Variants in KIF1B observed in about 807,000 individuals in gnomAD.
KIF1B encodes kinesin family member 1B, also known as kinesin-like protein KIF1B.
A neutral mutation model predicts 241.9 loss-of-function variants in KIF1B; 76 were observed. The ratio of observed to expected loss-of-function variants is 0.31; its 90% CI spans 0.26 to 0.38. The LOEUF (loss-of-function observed/expected upper bound fraction) is 0.38, where lower values mean the gene tolerates loss of function less well. Among genes scored for constraint, KIF1B ranks in the 10% least tolerant of loss-of-function variants. The pLI, the probability that KIF1B is intolerant of heterozygous loss-of-function variation, is 1.00. For missense variants in KIF1B, 1,622 were observed against 2,271.4 expected (o/e 0.71, Z 5.81); for synonymous variants, 750 against 796.7 (o/e 0.94, Z 0.99).
In KIF1B at chr1:10,223,182, G is replaced by A. The variant is rs1646867149; in HGVS notation, c.-79-9068G>A. Among the ~76,000 whole-genome samples, 4 of 152,248 alleles carry A rather than the reference G, an allele frequency of 2.6e-5. No individual in the cohort carries two copies. In the South Asian group the frequency reaches 8.3e-4, roughly 32 times the overall value. ...CAGGAGAATCGCTTGAACCTGGGAG[G>A]CAGAGGTTGCAGTAAACCGAGATGG... On this transcript the variant is annotated intron_variant, in intron 1 of 48. Transcript: ENST00000676179.
At chr1:10,277,354 T>G (rs1314946450) in intron 12 of KIF1B, among the ~76,000 whole-genome samples, 1 of 152,066 alleles carries the variant, frequency 6.6e-6, no homozygotes, top group Non-Finnish European at 1.5e-5. Flanking sequence ...TTAGTTTTTG[T>G]TTTTGAGTCT....
At chr1:10,227,064 T>G in intron 1 of KIF1B, among the ~76,000 whole-genome samples, 1 of 138,546 alleles carries the variant, frequency 7.2e-6, no homozygotes, top group African/African-American at 2.8e-5. Flanking sequence ...TGAGATGAAG[T>G]CTCGCTCTCT....
At chr1:10,274,284 C>A (rs1029420252) in intron 10 of KIF1B, among the ~76,000 whole-genome samples, 4 of 152,086 alleles carry the variant, frequency 2.6e-5, no homozygotes, top group Non-Finnish European at 5.9e-5. Context: ...AGTCAGCCAG[C>A]ATATATTTGA....
rs567613399 is a variant in KIF1B at position 10,327,604 on chromosome 1, G to T, written c.2924+1245G>T. On this transcript the variant is annotated intron_variant, in intron 27 of 48. Coordinates refer to ENST00000676179, the MANE Select transcript of KIF1B (RefSeq NM_001365951.3). ...AGGCATTGTCTCTGGCTCTCAGTTT[G>T]TGCATCCATCTTTCAGTGATGCAGA... Among the ~76,000 whole-genome samples the T allele has an allele frequency of 3.3e-5, 5 of 151,966 alleles. No homozygotes were observed. In the East Asian group the frequency reaches 9.7e-4, roughly 29 times the overall value.
intron 1 of KIF1B, among the ~76,000 whole-genome samples, chr1:10,213,263 A>G (rs1646721435): frequency 6.6e-6 from 1 of 152,170 alleles, no homozygotes; most frequent in Admixed American, 6.6e-5. Context: ...GCTAGGTTTT[A>G]TGAGTATGTG....
intron 1 of KIF1B, among the ~76,000 whole-genome samples, chr1:10,220,574 G>A (rs1646832094): frequency 6.6e-6 from 1 of 152,106 alleles, no homozygotes; most frequent in African/African-American, 2.4e-5. Context: ...TGAGGCTGAG[G>A]TACAGCCAAG....
chr1:10,249,389 A>G (rs1647317489), intron 2 of KIF1B, among the ~76,000 whole-genome samples: 1 of 151,968 alleles, frequency 6.6e-6, no homozygotes. Context: ...TTGCACAGCT[A>G]TACACTGTTT....
intron 43 of KIF1B, among the ~76,000 whole-genome samples, chr1:10,366,196 G>C (rs1305189117): frequency 6.6e-6 from 1 of 152,024 alleles, no homozygotes; most frequent in African/African-American, 2.4e-5. Flanking sequence ...GCTCCACTGT[G>C]CTCCAGCCTG....
At chr1:10,291,190 C>T in intron 16 of KIF1B, 29 bp downstream of exon 16, 1 of 1,429,234 alleles carries the variant, frequency 7.0e-7, no homozygotes, top group Non-Finnish European at 9.9e-7. Context: ...GGAAATGTTT[C>T]TAAGTTTTCT....
chr1:10,257,754 C>G (rs187723185), intron 3 of KIF1B, among the ~76,000 whole-genome samples: 105 of 152,176 alleles, frequency 6.9e-4, no homozygotes, highest in African/African-American at 2.3e-3. Flanking sequence ...CAGCTCACTG[C>G]AACCTACACC....
chr1:10,251,423 C>T (rs1030844252), intron 2 of KIF1B, among the ~76,000 whole-genome samples: 5 of 150,466 alleles, frequency 3.3e-5, no homozygotes, highest in African/African-American at 1.2e-4. Context: ...AGCTAAAAGG[C>T]TGAGTGAAAT....
At chr1:10,334,498 G>C in intron 27 of KIF1B, 22 bp from the exon 28 acceptor site, 2 of 1,539,396 alleles carry the variant, frequency 1.3e-6, no homozygotes, top group Non-Finnish European at 1.8e-6. Flanking sequence ...TCTGACATTT[G>C]TCTCCTGGTT....
chr1:10,279,046 C>A, intron 13 of KIF1B, 51 bp from the exon 14 acceptor site: 1 of 1,405,820 alleles, frequency 7.1e-7, no homozygotes, highest in Non-Finnish European at 9.8e-7. Flanking sequence ...TGTGTCACTG[C>A]TGAACCTGAA....
chr1:10,260,396 T>C (rs1648063851), intron 4 of KIF1B, among the ~76,000 whole-genome samples: 1 of 152,218 alleles, frequency 6.6e-6, no homozygotes, highest in African/African-American at 2.4e-5. Context: ...GCCTAGGACA[T>C]TGCTTTGCAG....
At chr1:10,369,041 C>A (rs1638650539) in intron 44 of KIF1B, among the ~76,000 whole-genome samples, 1 of 152,152 alleles carries the variant, frequency 6.6e-6, no homozygotes, top group Admixed American at 6.6e-5. Context: ...TTGCCTTTCT[C>A]CAGGTATTGC....
chr1:10,321,995 T>C, intron 24 of KIF1B, 138 bp downstream of exon 24: 1 of 825,340 alleles, frequency 1.2e-6, no homozygotes. Flanking sequence ...TATATATGTC[T>C]TTATTTAATA....
At position 10,363,064 on chromosome 1, in the gene KIF1B, C is replaced by G. The variant is rs1309925557; in HGVS notation, c.4305-219C>G. Reference sequence around the variant, plus strand: ...TCCAGCCTGGGTGACACAGGGAAACCCTATCTATAAAAAAATTAAATTGAG... The same window carrying G: ...TCCAGCCTGGGTGACACAGGGAAACGCTATCTATAAAAAAATTAAATTGAG... On this transcript the variant is annotated intron_variant, in intron 40 of 48. Coordinates refer to ENST00000676179, the MANE Select transcript of KIF1B (RefSeq NM_001365951.3). Among the ~76,000 whole-genome samples the G allele has an allele frequency of 2.6e-5, 4 of 151,876 alleles. No homozygotes were observed. In the South Asian group the frequency reaches 8.3e-4, roughly 32 times the overall value.
rs967037078 is a variant in KIF1B at position 10,377,313 on chromosome 1, G to C, written c.*726G>C. ...AGAGAGGAGACGAGAGGCTTTTTCA[G>C]TGGGCCTGGGACAGTGGCTGCTCTT... On this transcript the variant is annotated 3_prime_UTR_variant, in exon 49 of 49. Transcript: ENST00000676179. The C allele has an allele frequency of 4.4e-5, 10 of 228,548 alleles. No homozygotes were observed. Among genetic ancestry groups the C allele is most frequent in the African/African-American group, 1.8e-4 (8 of 44,974 alleles). The allele number at this position is 228,548 out of a possible 1,614,324, so 14.2% of individuals were successfully genotyped here. A position where few individuals can be genotyped will look rare whatever the true frequency, so the allele number is the denominator to read the frequency against.
At chr1:10,234,864 C>A (rs183461590) in intron 2 of KIF1B, among the ~76,000 whole-genome samples, 48 of 151,656 alleles carry the variant, frequency 3.2e-4, no homozygotes, top group African/African-American at 1.1e-3. Context: ...AGAGACTAGA[C>A]ATACTAAAAT....
Sources: allele counts gnomAD v4.1 joint callset (sites outside exome capture counted in the v4.1 genomes callset), GRCh38; gene constraint gnomAD v4.1.1; transcripts MANE v1.5; gene names NCBI Gene and HGNC (gene_info 2026-07-23, HGNC 2026-07-21).